ZBTB8B: variants seen among roughly 807,000 people sequenced by gnomAD.
ZBTB8B encodes the protein zinc finger and BTB domain-containing protein 8B.
ZBTB8B carries 17 observed loss-of-function variants against 30.3 expected under a neutral mutation model. That is an observed-to-expected ratio of 0.56 (90% CI 0.38 to 0.84). The LOEUF is 0.84. Ranked by LOEUF, ZBTB8B falls within the 40% of genes least tolerant of loss-of-function variation. The probability of loss-of-function intolerance (pLI) is 0.00; values close to 1 mark genes in which losing one functional copy is unlikely to be tolerated. For synonymous variants in ZBTB8B, 248 were observed against 255.6 expected (o/e 0.97, Z 0.28); for missense variants, 515 against 644.9 (o/e 0.80, Z 2.18).
At chr1:32,471,742 C>T in intron 2 of ZBTB8B, 127 bp downstream of exon 2, 2 of 1,050,332 alleles carry the variant, frequency 1.9e-6, no homozygotes, top group Non-Finnish European at 2.7e-6. Flanking sequence ...TCAGTACCAT[C>T]ATCACCAGTA....
chr1:32,488,763 A>G lies in ZBTB8B; in HGVS notation c.*3345A>G, dbSNP rs549699357. ...CTATTTTAAGCTACCTTTTACCTGC[A>G]TAATATTTATTTATTTTTAATTTTA... On this transcript the variant is annotated 3_prime_UTR_variant, in exon 4 of 4. Transcript: ENST00000609129. 1 of 152,230 alleles carries G rather than the reference A, an allele frequency of 6.6e-6. No individual in the cohort carries two copies. Among genetic ancestry groups the G allele is most frequent in the East Asian group, 1.9e-4 (1 of 5,196 alleles). 9.4% of individuals were successfully genotyped at this position (152,230 alleles called of 1,614,324 possible).
In ZBTB8B at chr1:32,485,904, T is replaced by C. The variant is rs1338519750; in HGVS notation, c.*486T>C. 6.2e-6 allele frequency: 1 copy of C among 161,510 alleles called. No individual in the cohort carries two copies. Among genetic ancestry groups the C allele is most frequent in the Non-Finnish European group, 1.4e-5 (1 of 73,286 alleles). 10.0% of individuals were successfully genotyped at this position (161,510 alleles called of 1,614,324 possible). A position where few individuals can be genotyped will look rare whatever the true frequency, so the allele number is the denominator to read the frequency against. Reference sequence around the variant, plus strand: ...TATTAAAGAGAAACCTTCATTGATATAAAGCAGGCAGGGCGGTCTGGCTAC... The same window carrying C: ...TATTAAAGAGAAACCTTCATTGATACAAAGCAGGCAGGGCGGTCTGGCTAC... On this transcript the variant is annotated 3_prime_UTR_variant, in exon 4 of 4. Transcript: ENST00000609129.
At chr1:32,480,839 AG>A in intron 2 of ZBTB8B, 51 bp from the exon 3 acceptor site, 19 of 1,477,124 alleles carry the variant, frequency 1.3e-5, no homozygotes, top group Non-Finnish European at 1.7e-5. Context: ...GCGGGTAGCC[AG>A]GGTTGGTCAC....
Position 32,490,276 on chromosome 1 carries a change from A to G in ZBTB8B, c.*4858A>G, listed in dbSNP as rs1394066357. 1 of 152,160 alleles carries G rather than the reference A, an allele frequency of 6.6e-6. No homozygotes were observed. Among genetic ancestry groups the G allele is most frequent in the East Asian group, 1.9e-4 (1 of 5,190 alleles). The allele number at this position is 152,160 out of a possible 1,614,324, so 9.4% of individuals were successfully genotyped here. On this transcript the variant is annotated 3_prime_UTR_variant, in exon 4 of 4. Transcript: ENST00000609129. ...ATTATGCTCTGTTTTGAGCATTCCC[A>G]CTGTGCTTCCTGTTGTTGCTGGTCT...
Position 32,471,587 on chromosome 1 carries a change from C to G in ZBTB8B, c.963C>G (p.Val321=). The G allele has an allele frequency of 6.4e-7, 1 of 1,551,670 alleles. No homozygotes were observed. Among genetic ancestry groups the G allele is most frequent in the African/African-American group, 1.4e-5 (1 of 73,188 alleles). Residue 321 remains valine, a synonymous_variant, in exon 2 of 4, where the codon GTC becomes GTG. Transcript: ENST00000609129. ...AGVAMSSMMD[V]QADWYGEDSG... Reference sequence around the variant, plus strand: ...TAGCCATGAGTTCCATGATGGATGTCCAGGCTGACTGGTATGGAGAGGACT... The same window carrying G: ...TAGCCATGAGTTCCATGATGGATGTGCAGGCTGACTGGTATGGAGAGGACT...
chr1:32,475,280 G>A (rs1643653678), intron 2 of ZBTB8B, among the ~76,000 whole-genome samples: 1 of 152,146 alleles, frequency 6.6e-6, no homozygotes, highest in Admixed American at 6.5e-5. Context: ...GTGTTGTATA[G>A]GAGATAAGAC....
In ZBTB8B at chr1:32,484,195, A is replaced by T. The variant is rs1643727416; in HGVS notation, c.1171-906A>T. Among the ~76,000 whole-genome samples, 1 of 151,558 alleles carries T rather than the reference A, an allele frequency of 6.6e-6. No individual in the cohort carries two copies. The highest frequency in any genetic ancestry group is 6.6e-5 in the Admixed American group (1 of 15,210). On this transcript the variant is annotated intron_variant, in intron 3 of 3. Transcript: ENST00000609129. The surrounding 1 kb of genome is among the most constrained non-coding windows in gnomAD (Gnocchi z 4.5). Reference sequence around the variant, plus strand: ...TGCACTCCAGCCTGGGTGACAGAGAAAGACCCTGTCTCTGGAAAAAAAAAA... The same window carrying T: ...TGCACTCCAGCCTGGGTGACAGAGATAGACCCTGTCTCTGGAAAAAAAAAA...
rs1172909688 is a variant in ZBTB8B at position 32,490,674 on chromosome 1, C to T, written c.*5256C>T. On this transcript the variant is annotated 3_prime_UTR_variant, in exon 4 of 4. Coordinates refer to ENST00000609129, the MANE Select transcript of ZBTB8B (RefSeq NM_001145720.2). The stretch of plus-strand genomic sequence containing the variant: ...GCACAATCTCGGCTCACTGCAAGCT[C>T]CGCCTCCTGGGTTCATGCCATTCTC... The T allele has an allele frequency of 6.6e-6, 1 of 152,132 alleles. No homozygotes were observed. The highest frequency in any genetic ancestry group is 1.5e-5 in the Non-Finnish European group (1 of 68,032). 9.4% of individuals were successfully genotyped at this position (152,132 alleles called of 1,614,324 possible).
At position 32,471,122 on chromosome 1, in the gene ZBTB8B, G is replaced by C; in HGVS notation, c.498G>C (p.Glu166Asp). 6.4e-7 allele frequency: 1 copy of C among 1,551,700 alleles called. No homozygotes were observed. Among genetic ancestry groups the C allele is most frequent in the Non-Finnish European group, 8.7e-7 (1 of 1,147,006 alleles). The change falls in exon 2 of 4, where the codon GAG becomes GAC. Residue 166 changes from glutamate (E) to aspartate (D), a missense_variant. This residue lies in a region of ZBTB8B where 429 missense variants were observed against 504.3 expected (regional missense o/e 0.85). Transcript: ENST00000609129. ...GTGAAAGCCCCAGTTCAGGCCGGGAGGGGACCTCCTGTGGTACCAAGAGCT... is the reference window on the plus strand; with the variant it reads ...GTGAAAGCCCCAGTTCAGGCCGGGACGGGACCTCCTGTGGTACCAAGAGCT... The part of the protein sequence containing the change: ...VDSESPSSGR[E>D]GTSCGTKSLV...
Position 32,484,254 on chromosome 1 carries a change from G to A in ZBTB8B, c.1171-847G>A, listed in dbSNP as rs1643727906. On this transcript the variant is annotated intron_variant, in intron 3 of 3. Coordinates refer to ENST00000609129, the MANE Select transcript of ZBTB8B (RefSeq NM_001145720.2). This position sits in a 1 kb window ranked among gnomAD's most constrained non-coding sequence, Gnocchi z 4.5. ...CCAATCAGTTCACTTTCATTTGAGT[G>A]CTTTTTGTATGCCAAGCACTAGGGA... is the stretch of plus-strand genomic sequence containing the variant. 6.6e-6 allele frequency among the ~76,000 whole-genome samples: 1 copy of A among 151,932 alleles called. No individual in the cohort carries two copies. Among genetic ancestry groups the A allele is most frequent in the Admixed American group, 6.6e-5 (1 of 15,244 alleles).
chr1:32,480,817 T>A, intron 2 of ZBTB8B, 74 bp from the exon 3 acceptor site: 1 of 1,411,698 alleles, frequency 7.1e-7, no homozygotes, highest in Non-Finnish European at 9.5e-7. Context: ...CAGCTCTGGA[T>A]CCCATCCACC....
chr1:32,475,650 G>A (rs543909897), intron 2 of ZBTB8B, among the ~76,000 whole-genome samples: 9 of 152,208 alleles, frequency 5.9e-5, no homozygotes, highest in African/African-American at 1.7e-4. Flanking sequence ...TACTAGGGTT[G>A]AAAGACACTC....
In ZBTB8B at chr1:32,471,555, G is replaced by T. The variant is rs1446342231; in HGVS notation, c.931G>T (p.Ala311Ser). ...GAGTTTGGAAGGAAGACCAGAAGGT[G>T]CAGGAGTAGCCATGAGTTCCATGAT... ...SRSLEGRPEG[A>S]GVAMSSMMDV... Residue 311 changes from alanine (A) to serine (S), a missense_variant, in exon 2 of 4, where the codon GCA becomes TCA. Transcript: ENST00000609129. The T allele has an allele frequency of 3.2e-6, 5 of 1,551,798 alleles. No homozygotes were observed. In the Admixed American group the frequency reaches 9.8e-5, roughly 30 times the overall value.
chr1:32,493,940 C>T lies in ZBTB8B; in HGVS notation c.*8522C>T, dbSNP rs1643798556. The T allele has an allele frequency of 6.6e-6, 1 of 151,862 alleles. No homozygotes were observed. The highest frequency in any genetic ancestry group is 2.4e-5 in the African/African-American group (1 of 41,356). 9.4% of individuals were successfully genotyped at this position (151,862 alleles called of 1,614,324 possible). A position where few individuals can be genotyped will look rare whatever the true frequency, so the allele number is the denominator to read the frequency against. ...TACATGCCAGGCGTCGGGGCTTACG[C>T]CTGTAATCCCAGCATTTTGGGAGGC... On this transcript the variant is annotated 3_prime_UTR_variant, in exon 4 of 4. Coordinates refer to ENST00000609129, the MANE Select transcript of ZBTB8B (RefSeq NM_001145720.2).
At chr1:32,482,953 T>C (rs1643716648) in intron 3 of ZBTB8B, among the ~76,000 whole-genome samples, 1 of 151,824 alleles carries the variant, frequency 6.6e-6, no homozygotes, top group Non-Finnish European at 1.5e-5. Context: ...CCACTAGGAC[T>C]GCGCTAATTG....
At position 32,471,184 on chromosome 1, in the gene ZBTB8B, A is replaced by T. The variant is rs1453099036; in HGVS notation, c.560A>T (p.Glu187Val). 6.4e-7 allele frequency: 1 copy of T among 1,551,752 alleles called. No individual in the cohort carries two copies. Among genetic ancestry groups the T allele is most frequent in the African/African-American group, 1.4e-5 (1 of 73,058 alleles). ...SSPAEGEKSV[E>V]CLRESPCGDC... ...CCAGCCGAGGGAGAAAAGAGCGTGG[A>T]GTGCCTGAGAGAGTCCCCTTGCGGT... The change falls in exon 2 of 4, where the codon GAG (glutamate) becomes GTG (valine). Residue 187 changes from glutamate to valine, a missense_variant. Transcript: ENST00000609129.
At chr1:32,483,258 A>C (rs1222628923) in intron 3 of ZBTB8B, among the ~76,000 whole-genome samples, 23 of 145,904 alleles carry the variant, frequency 1.6e-4, no homozygotes, top group East Asian at 5.9e-4. Context: ...AAAAAAAAAA[A>C]AAAAAAAAAA....
In ZBTB8B at chr1:32,494,679, T is replaced by G. The variant is rs1570269429; in HGVS notation, c.*9261T>G. 3 of 152,336 alleles carry G rather than the reference T, an allele frequency of 2.0e-5. No homozygotes were observed. In the East Asian group the frequency reaches 5.8e-4, roughly 29 times the overall value. 9.4% of individuals were successfully genotyped at this position (152,336 alleles called of 1,614,324 possible). On this transcript the variant is annotated 3_prime_UTR_variant, in exon 4 of 4. Transcript: ENST00000609129. Reference sequence around the variant, plus strand: ...AAAAGGCAAATTAAAATATTTATTGTCCACTTAATATGTGTTCTGTGTTTG... The same window carrying G: ...AAAAGGCAAATTAAAATATTTATTGGCCACTTAATATGTGTTCTGTGTTTG...
chr1:32,471,182 G>C lies in ZBTB8B; in HGVS notation c.558G>C (p.Val186=), dbSNP rs1217298278. The change falls in exon 2 of 4, where the codon GTG becomes GTC. Residue 186 remains valine, a synonymous_variant. Transcript: ENST00000609129. ...VSSPAEGEKS[V]ECLRESPCGD... ...CTCCAGCCGAGGGAGAAAAGAGCGT[G>C]GAGTGCCTGAGAGAGTCCCCTTGCG... 6.4e-7 allele frequency: 1 copy of C among 1,551,894 alleles called. No homozygotes were observed. The highest frequency in any genetic ancestry group is 2.4e-5 in the East Asian group (1 of 40,914).
Sources: gnomAD v4.1 joint callset for allele counts (sites outside exome capture counted in the v4.1 genomes callset) on GRCh38, gnomAD v4.1.1 for gene constraint, gnomAD v4.1.1 regional missense constraint, Gnocchi (gnomAD v3.1) non-coding constraint, MANE v1.5 for transcripts, NCBI Gene and HGNC (gene_info 2026-07-23, HGNC 2026-07-21) for gene names.